Variants in SNED1 observed in about 807,000 individuals in gnomAD.
The protein encoded by SNED1 is sushi, nidogen and EGF-like domain-containing protein 1.
A neutral mutation model predicts 166.7 loss-of-function variants in SNED1; 81 were observed. The ratio of observed to expected loss-of-function variants is 0.49; its 90% CI spans 0.41 to 0.58. The LOEUF is 0.58. Ranked by LOEUF, SNED1 falls within the 20% of genes least tolerant of loss-of-function variation. The pLI, the probability that SNED1 is intolerant of heterozygous loss-of-function variation, is 0.00. For synonymous variants in SNED1, 762 were observed against 822.0 expected, an observed-to-expected ratio of 0.93 and a Z score of 1.25; for missense variants, 1,604 against 2,000.2, an observed-to-expected ratio of 0.80 and a Z score of 3.78.
In SNED1 at chr2:241,082,401, T is replaced by C. The variant is rs969717532; in HGVS notation, c.4121+37T>C. 5 of 1,538,986 alleles carry C rather than the reference T, an allele frequency of 3.2e-6. No individual in the cohort carries two copies. The Admixed American group carries it at 8.4e-5, about 26-fold the overall frequency. ...TCTGTCCTCCGCCTTACCGCATTTGTCGTGTGTTCTTGACTCCTCAAAGTG... is the reference window on the plus strand; with the variant it reads ...TCTGTCCTCCGCCTTACCGCATTTGCCGTGTGTTCTTGACTCCTCAAAGTG... On this transcript the variant is annotated intron_variant, in intron 29 of 31. Transcript: ENST00000310397.
intron 1 of SNED1, among the ~76,000 whole-genome samples, chr2:241,016,443 G>C (rs986251170): frequency 6.6e-6 from 1 of 152,066 alleles, no homozygotes; most frequent in African/African-American, 2.4e-5. Flanking sequence ...TGATCCTCCT[G>C]CCTCGGCCTC....
At chr2:241,035,693 A>T (rs963845722) in intron 4 of SNED1, 4 of 138,900 alleles carry the variant, frequency 2.9e-5, no homozygotes, top group Admixed American at 1.5e-4. Context: ...ATGCGCGCGC[A>T]CCACTGTCGG....
chr2:241,056,014 C>T (rs2062030074), intron 16 of SNED1, among the ~76,000 whole-genome samples: 1 of 150,630 alleles, frequency 6.6e-6, no homozygotes, highest in South Asian at 2.1e-4. Context: ...CTTTGATTTC[C>T]ACTGTTCTTA....
chr2:241,057,380 A>AAAAAAAAAAAATATATATATATAT (rs377141068), intron 16 of SNED1, among the ~76,000 whole-genome samples: 1 of 118,132 alleles, frequency 8.5e-6, no homozygotes, highest in African/African-American at 3.8e-5. Context: ...TCCATCTCAA[A>AAAAAAAAAAAATATATATATATAT]ATATATATAT....
intron 1 of SNED1, among the ~76,000 whole-genome samples, chr2:241,016,507 A>G (rs2060599321): frequency 6.6e-6 from 1 of 151,856 alleles, no homozygotes; most frequent in Admixed American, 6.6e-5. Flanking sequence ...ATGGTGGATT[A>G]TTTATCCTCT....
intron 1 of SNED1, among the ~76,000 whole-genome samples, chr2:241,020,591 TTGGGCGCTGCCCTTA>T (rs2060742079): frequency 6.6e-6 from 1 of 152,230 alleles, no homozygotes; most frequent in Non-Finnish European, 1.5e-5. Flanking sequence ...CCAGGACCTG[TTGGGCGCTGCCCTTA>T]TGTGATCAAG....
In SNED1 at chr2:241,094,026, A is replaced by G. The variant is rs1475755877; in HGVS notation, c.*2390A>G. 3.5e-6 allele frequency: 1 copy of G among 284,934 alleles called. No homozygotes were observed. The highest frequency in any genetic ancestry group is 2.2e-5 in the African/African-American group (1 of 44,646). The allele number at this position is 284,934 out of a possible 1,614,324, so 17.7% of individuals were successfully genotyped here. On this transcript the variant is annotated 3_prime_UTR_variant, in exon 32 of 32. Coordinates refer to ENST00000310397, the MANE Select transcript of SNED1 (RefSeq NM_001080437.3). This position sits in a 1 kb window ranked among gnomAD's most constrained non-coding sequence, Gnocchi z 4.3. ...CTTAGTCCTCCGACTGGGTACAACA[A>G]CAGCCTAGGTTCTAGGGAGGGTGGC...
chr2:241,024,846 G>C (rs757400843), intron 1 of SNED1, among the ~76,000 whole-genome samples: 1 of 151,466 alleles, frequency 6.6e-6, no homozygotes, highest in East Asian at 2.0e-4. Context: ...AAATTTTTTT[G>C]TATTTTTAGT....
At chr2:241,023,869 CTTT>C in intron 1 of SNED1, among the ~76,000 whole-genome samples, 2 of 114,164 alleles carry the variant, frequency 1.8e-5, no homozygotes, top group East Asian at 5.4e-4. Flanking sequence ...TATTTTCTCT[CTTT>C]TTTTCTTTTT....
Position 241,056,315 on chromosome 2 carries a change from G to A in SNED1, c.2257+2989G>A, listed in dbSNP as rs377629190. 6.6e-5 allele frequency among the ~76,000 whole-genome samples: 10 copies of A among 152,266 alleles called. No homozygotes were observed. The South Asian group carries it at 2.1e-3, about 32-fold the overall frequency. ...TATTTTTGTAGAAACAGGATCTCAT[G>A]GTGTTGCCCAGGTTGGTCTTGAACT... On this transcript the variant is annotated intron_variant, in intron 16 of 31. Transcript: ENST00000310397.
rs548680395 is a variant in SNED1, at chr2:241,011,233, G to C, written c.213+12183G>C. On this transcript the variant is annotated intron_variant, in intron 1 of 31. Coordinates refer to ENST00000310397, the MANE Select transcript of SNED1 (RefSeq NM_001080437.3). Reference sequence around the variant, plus strand: ...CCTGGGTCTCCTGGGTCTCCTGGGGGTTGCAGGTCTCCTGGGTCTCCTGGG... The same window carrying C: ...CCTGGGTCTCCTGGGTCTCCTGGGGCTTGCAGGTCTCCTGGGTCTCCTGGG... 1.1e-3 allele frequency among the ~76,000 whole-genome samples: 111 copies of C among 97,440 alleles called. 1 individual carries two copies. The highest frequency in any genetic ancestry group is 5.6e-3 in the African/African-American group (108 of 19,424). 63.9% of individuals were successfully genotyped at this position (97,440 alleles called of 152,430 possible).
chr2:241,059,466 A>G (rs2062164959), intron 16 of SNED1, among the ~76,000 whole-genome samples: 1 of 152,244 alleles, frequency 6.6e-6, no homozygotes, highest in African/African-American at 2.4e-5. Context: ...TACCAAAACC[A>G]GACACAGACA....
In SNED1 at chr2:241,068,523, G is replaced by C. The variant is rs2062562108; in HGVS notation, c.3195-388G>C. ...TCCAGCCAGCAGCTTCCTGGGGCTG[G>C]GGTGGCATTGGCCTCACGTTGTCCT... On this transcript the variant is annotated intron_variant, in intron 22 of 31. Coordinates refer to ENST00000310397, the MANE Select transcript of SNED1 (RefSeq NM_001080437.3). This position sits in a 1 kb window ranked among gnomAD's most constrained non-coding sequence, Gnocchi z 5.3. Among the ~76,000 whole-genome samples the C allele has an allele frequency of 1.3e-5, 2 of 152,142 alleles. No individual in the cohort carries two copies. The highest frequency in any genetic ancestry group is 4.1e-4 in the South Asian group (2 of 4,826).
chr2:241,021,581 C>G (rs1192097146), intron 1 of SNED1, among the ~76,000 whole-genome samples: 2 of 152,164 alleles, frequency 1.3e-5, no homozygotes, highest in Non-Finnish European at 2.9e-5. Flanking sequence ...ATAGTGTTTT[C>G]AAAGTTTATT....
chr2:241,026,948 G>C (rs2060988151), intron 1 of SNED1, among the ~76,000 whole-genome samples: 1 of 152,040 alleles, frequency 6.6e-6, no homozygotes, highest in Non-Finnish European at 1.5e-5. Flanking sequence ...TCTACTTTCT[G>C]TCTCTATGAA....
Position 241,081,671 on chromosome 2 carries a change from T to C in SNED1, c.3917-6T>C. The C allele has an allele frequency of 1.9e-6, 3 of 1,588,156 alleles. No individual in the cohort carries two copies. Among genetic ancestry groups the C allele is most frequent in the South Asian group, 1.1e-5 (1 of 87,274 alleles). On this transcript the variant is annotated splice_polypyrimidine_tract_variant and splice_region_variant and intron_variant, in intron 27 of 31. Transcript: ENST00000310397. ...GTGACTAACCTCTCGTGACCTCTGT[T>C]TCCAGACGTCCCTGGCAACTGTTCA...
chr2:241,057,699 A>G (rs905014337), intron 16 of SNED1, among the ~76,000 whole-genome samples: 4 of 152,108 alleles, frequency 2.6e-5, no homozygotes, highest in Non-Finnish European at 4.4e-5. Context: ...TTAAAAATTA[A>G]GAAATAAACT....
intron 1 of SNED1, among the ~76,000 whole-genome samples, chr2:241,023,888 C>CTTTTTTTTTTTTTTTTTTTTTTTTTTTTT (rs34234341): frequency 1.2e-4 from 11 of 91,994 alleles, no homozygotes; most frequent in South Asian, 4.1e-4. Flanking sequence ...TTTTTTTTTC[C>CTTTTTTTTTTTTTTTTTTTTTTTTTTTTT]TTTTTTTTTT....
At chr2:241,046,276 T>G (rs2061644106) in intron 8 of SNED1, among the ~76,000 whole-genome samples, 1 of 152,234 alleles carries the variant, frequency 6.6e-6, no homozygotes, top group African/African-American at 2.4e-5. Flanking sequence ...TATATGCTTA[T>G]AATATGCCCC....
Sources: gnomAD v4.1 joint callset for allele counts (sites outside exome capture counted in the v4.1 genomes callset) on GRCh38, gnomAD v4.1.1 for gene constraint, Gnocchi (gnomAD v3.1) non-coding constraint, MANE v1.5 for transcripts, NCBI Gene and HGNC (gene_info 2026-07-23, HGNC 2026-07-21) for gene names.